Variants in PATL2 observed in about 807,000 individuals in gnomAD.
PATL2 encodes protein PAT1 homolog 2.
A neutral mutation model predicts 77.0 loss-of-function variants in PATL2; 73 were observed. The ratio of observed to expected loss-of-function variants is 0.95; its 90% CI spans 0.78 to 1.15. The LOEUF (loss-of-function observed/expected upper bound fraction) is 1.15. PATL2 is among the 50% of genes most tolerant of loss of function. The pLI is 0.00. For synonymous variants in PATL2, 265 were observed against 257.1 expected (o/e 1.03, Z -0.29); for missense variants, 618 against 655.4 (o/e 0.94, Z 0.62).
intron 3 of PATL2, among the ~76,000 whole-genome samples, chr15:44,680,051 T>A (rs193143885): frequency 5.4e-4 from 82 of 152,300 alleles, no homozygotes; most frequent in African/African-American, 1.9e-3. Flanking sequence ...GGATCTGGGA[T>A]CTGCTCCCTC....
Position 44,668,492 on chromosome 15 carries a change from G to C in PATL2, c.1225-10C>G. The C allele has an allele frequency of 1.3e-6, 2 of 1,549,392 alleles. No homozygotes were observed. Among genetic ancestry groups the C allele is most frequent in the African/African-American group, 1.4e-5 (1 of 73,028 alleles). ...ATAACATTTGTAGGGCCTGCAAGAA[G>C]ATCAGTAAGCACCTCCCAAATTCCA... On this transcript the variant is annotated splice_polypyrimidine_tract_variant and intron_variant, in intron 14 of 17. Coordinates refer to ENST00000682850, the MANE Select transcript of PATL2 (RefSeq NM_001387263.1).
intron 3 of PATL2, among the ~76,000 whole-genome samples, chr15:44,706,734 G>A (rs1181258318): frequency 6.6e-6 from 1 of 152,178 alleles, no homozygotes; most frequent in African/African-American, 2.4e-5. Flanking sequence ...CTTGCCCAAG[G>A]CCTATGGTAA....
At chr15:44,669,641 A>G (rs1325024422) in intron 11 of PATL2, 78 bp from the exon 12 acceptor site, 10 of 1,520,652 alleles carry the variant, frequency 6.6e-6, no homozygotes, top group Non-Finnish European at 8.9e-6. Flanking sequence ...CTAGCTAGAG[A>G]TTGAGCTGGA....
chr15:44,667,734 G>C (rs2085454827), intron 15 of PATL2, among the ~76,000 whole-genome samples: 2 of 152,190 alleles, frequency 1.3e-5, no homozygotes, highest in African/African-American at 2.4e-5. Flanking sequence ...CTTAAAGTTA[G>C]GAGTTCAAGA....
At chr15:44,681,496 C>T (rs1054410389) in intron 3 of PATL2, among the ~76,000 whole-genome samples, 1 of 152,156 alleles carries the variant, frequency 6.6e-6, no homozygotes, top group Non-Finnish European at 1.5e-5. Flanking sequence ...TGGCCCTTTT[C>T]CTGCTCCCCT....
At chr15:44,671,051 T>C (rs1269572504) in intron 9 of PATL2, among the ~76,000 whole-genome samples, 1 of 152,208 alleles carries the variant, frequency 6.6e-6, no homozygotes, top group Non-Finnish European at 1.5e-5. Context: ...AAGGCAAGAA[T>C]ACAAAACTAT....
intron 13 of PATL2, 28 bp downstream of exon 13, chr15:44,669,252 G>A: frequency 6.5e-7 from 1 of 1,538,626 alleles, no homozygotes; most frequent in South Asian, 1.2e-5. Context: ...TCCCTTCCTG[G>A]GCTGAGGTGG....
chr15:44,681,452 T>C (rs1325520809), intron 3 of PATL2, among the ~76,000 whole-genome samples: 1 of 152,232 alleles, frequency 6.6e-6, no homozygotes, highest in Non-Finnish European at 1.5e-5. Flanking sequence ...ACTTGTCTCC[T>C]GGCTCTTCCA....
chr15:44,694,260 G>A (rs1183070712), intron 3 of PATL2, among the ~76,000 whole-genome samples: 1 of 152,098 alleles, frequency 6.6e-6, no homozygotes, highest in Non-Finnish European at 1.5e-5. Flanking sequence ...GATGAGCAGA[G>A]GGGCAGTCCC....
Position 44,666,495 on chromosome 15 carries a change from T to G in PATL2, c.1510A>C (p.Thr504Pro). The G allele has an allele frequency of 6.4e-7, 1 of 1,551,596 alleles. No homozygotes were observed. The highest frequency in any genetic ancestry group is 8.7e-7 in the Non-Finnish European group (1 of 1,146,928). ...LIAWEIAQMP[T>P]ASLAEPLAFP... ...GCTAGGGGTTCTGCCAGAGAGGCTG[T>G]AGGCATTTGGGCTATCTCCCAGGCA... is the stretch of plus-strand genomic sequence containing the variant. Residue 504 changes from threonine to proline, a missense_variant, in exon 17 of 18, where the codon ACA becomes CCA. Thr to Pro is a conservative substitution (Grantham distance 38). Coordinates refer to ENST00000682850, the MANE Select transcript of PATL2 (RefSeq NM_001387263.1).
intron 3 of PATL2, among the ~76,000 whole-genome samples, chr15:44,682,678 A>G (rs183112416): frequency 5.8e-4 from 89 of 152,362 alleles, no homozygotes; most frequent in African/African-American, 2.1e-3. Flanking sequence ...ATCATAAAAG[A>G]AAAGATACGT....
Position 44,669,538 on chromosome 15 carries a change from C to T in PATL2, c.902G>A (p.Arg301Lys), listed in dbSNP as rs1401111694. Reference sequence around the variant, plus strand: ...CTCAATCCGGTATAATACCCGAAGCCTCTGACTGCTTGCAGCTTCTATATC... The same window carrying T: ...CTCAATCCGGTATAATACCCGAAGCTTCTGACTGCTTGCAGCTTCTATATC... ...EQDIEAASSQ[R>K]LRVLYRIEKM... Residue 301 changes from arginine (R) to lysine (K), a missense_variant, in exon 12 of 18, where the codon AGG becomes AAG. By Grantham distance (26) the Arg-to-Lys change is conservative (BLOSUM62 2). Coordinates refer to ENST00000682850, the MANE Select transcript of PATL2 (RefSeq NM_001387263.1). 5.2e-6 allele frequency: 8 copies of T among 1,551,276 alleles called. No homozygotes were observed. In the Admixed American group the frequency reaches 1.6e-4, roughly 30 times the overall value.
intron 3 of PATL2, among the ~76,000 whole-genome samples, chr15:44,683,878 A>T (rs1366157528): frequency 6.6e-6 from 1 of 152,146 alleles, no homozygotes; most frequent in African/African-American, 2.4e-5. Context: ...CCCCTCTGGG[A>T]CAAAAATTCC....
chr15:44,704,632 G>A (rs1011858235), intron 3 of PATL2, among the ~76,000 whole-genome samples: 3 of 152,242 alleles, frequency 2.0e-5, no homozygotes, highest in Non-Finnish European at 4.4e-5. Flanking sequence ...CAAGATATGA[G>A]TAGTTTACAT....
Position 44,673,264 on chromosome 15 carries a change from G to C in PATL2, c.417C>G (p.Ser139Arg). Residue 139 changes from serine to arginine, a missense_variant, in exon 7 of 18, where the codon AGC (serine) becomes AGG (arginine). By Grantham distance (110) the Ser-to-Arg change is moderately radical. Coordinates refer to ENST00000682850, the MANE Select transcript of PATL2 (RefSeq NM_001387263.1). ...ACCTAGGGGGCCACGAGGTCAGCAG[G>C]CTGCAGAAGAGAGTTGGGTCTGGTG... ...LPSPDPTLFC[S>R]LLTSWPPRFS... 1 of 1,551,650 alleles carries C rather than the reference G, an allele frequency of 6.4e-7. No individual in the cohort carries two copies. The highest frequency in any genetic ancestry group is 8.7e-7 in the Non-Finnish European group (1 of 1,146,988).
At position 44,709,780 on chromosome 15, in the gene PATL2, G is replaced by A. The variant is rs1386802716; in HGVS notation, c.-76+316C>T. Reference sequence around the variant, plus strand: ...ATTGGTTTTCCAAGTGAGTAAATCAGAATCTATCTGTAATGGATTTTAAAT... The same window carrying A: ...ATTGGTTTTCCAAGTGAGTAAATCAAAATCTATCTGTAATGGATTTTAAAT... On this transcript the variant is annotated intron_variant, in intron 3 of 17. Coordinates refer to ENST00000682850, the MANE Select transcript of PATL2 (RefSeq NM_001387263.1). Among the ~76,000 whole-genome samples, 3 of 152,150 alleles carry A rather than the reference G, an allele frequency of 2.0e-5. No individual in the cohort carries two copies. In the East Asian group the frequency reaches 5.8e-4, roughly 29 times the overall value.
At chr15:44,704,757 T>C (rs986907917) in intron 3 of PATL2, among the ~76,000 whole-genome samples, 1 of 152,232 alleles carries the variant, frequency 6.6e-6, no homozygotes, top group Non-Finnish European at 1.5e-5. Flanking sequence ...TTCTTTCTGA[T>C]TAAAGAACTC....
intron 3 of PATL2, among the ~76,000 whole-genome samples, chr15:44,694,231 T>C (rs2086456480): frequency 6.6e-6 from 1 of 152,160 alleles, no homozygotes; most frequent in Non-Finnish European, 1.5e-5. Context: ...CCTCCCCCAC[T>C]CACACTTGCA....
rs142100805 is a variant in PATL2 at position 44,705,476 on chromosome 15, G to A, written c.-76+4620C>T. ...ATTACAGGAGTGAGCCACTGCACCT[G>A]GCTGCAGCCAGTAACTCTTAAATTT... On this transcript the variant is annotated intron_variant, in intron 3 of 17. Transcript: ENST00000682850. Among the ~76,000 whole-genome samples the A allele has an allele frequency of 2.1e-3, 326 of 152,254 alleles. 15 individuals are homozygous for A. In the East Asian group the frequency reaches 0.053, roughly 25 times the overall value.
Sources: allele counts gnomAD v4.1 joint callset (sites outside exome capture counted in the v4.1 genomes callset), GRCh38; gene constraint gnomAD v4.1.1; transcripts MANE v1.5; gene names NCBI Gene and HGNC (gene_info 2026-07-23, HGNC 2026-07-21).